LRMDA: variants seen among roughly 807,000 people sequenced by gnomAD.
LRMDA encodes leucine-rich melanocyte differentiation-associated protein.
In LRMDA, 18 loss-of-function variants were observed where a neutral mutation model predicts 29.8. The observed-to-expected ratio is 0.60, with a 90% CI of 0.42 to 0.90. The LOEUF (loss-of-function observed/expected upper bound fraction) is 0.90, where lower values mean the gene tolerates loss of function less well. LRMDA is among the 40% of genes least tolerant of loss of function. The pLI is 0.00. For synonymous variants in LRMDA, 125 were observed against 109.4 expected (o/e 1.14, Z -0.89); for missense variants, 273 against 273.9 (o/e 1.00, Z 0.02).
chr10:76,519,747 T>C (rs954857374), intron 6 of LRMDA, among the ~76,000 whole-genome samples: 2 of 152,198 alleles, frequency 1.3e-5, no homozygotes, highest in Admixed American at 1.3e-4. Flanking sequence ...ATATGATGCC[T>C]TGTGGGACTC....
chr10:76,208,363 T>C (rs1851574929), intron 5 of LRMDA, among the ~76,000 whole-genome samples: 1 of 152,194 alleles, frequency 6.6e-6, no homozygotes, highest in Non-Finnish European at 1.5e-5. Context: ...TATACTCTGC[T>C]CCATTTTAAA....
rs530290811 is a variant in LRMDA, at chr10:76,350,646, C to T, written c.601+26161C>T. Among the ~76,000 whole-genome samples the T allele has an allele frequency of 5.9e-5, 9 of 152,200 alleles. No individual in the cohort carries two copies. The South Asian group carries it at 1.0e-3, about 18-fold the overall frequency. Reference sequence around the variant, plus strand: ...GTATCTCTAGGAGAACAAGCATTGTCTTTGGCATAGGACAGAATGTGGTCA... The same window carrying T: ...GTATCTCTAGGAGAACAAGCATTGTTTTTGGCATAGGACAGAATGTGGTCA... On this transcript the variant is annotated intron_variant, in intron 6 of 6. Transcript: ENST00000611255.
chr10:76,173,069 A>T (rs1036784346), intron 5 of LRMDA, among the ~76,000 whole-genome samples: 2 of 150,588 alleles, frequency 1.3e-5, no homozygotes, highest in African/African-American at 4.9e-5. Flanking sequence ...AAAAAAAAAG[A>T]TAATGAGCAT....
At chr10:75,882,460 G>A (rs990282151) in intron 2 of LRMDA, among the ~76,000 whole-genome samples, 1 of 152,156 alleles carries the variant, frequency 6.6e-6, no homozygotes, top group Non-Finnish European at 1.5e-5. Flanking sequence ...AGCAGCTATA[G>A]AGCACCTAAA....
intron 2 of LRMDA, among the ~76,000 whole-genome samples, chr10:75,443,518 G>A (rs187095971): frequency 5.9e-5 from 9 of 152,170 alleles, no homozygotes; most frequent in African/African-American, 1.7e-4. Context: ...TTTATTGATT[G>A]CGTATGTTAA....
At chr10:76,167,167 T>G (rs770585706) in intron 5 of LRMDA, among the ~76,000 whole-genome samples, 4 of 152,230 alleles carry the variant, frequency 2.6e-5, no homozygotes, top group African/African-American at 9.6e-5. Context: ...TGTTTTTTTC[T>G]TGTACATTTG....
intron 2 of LRMDA, among the ~76,000 whole-genome samples, chr10:75,497,493 A>C (rs748955016): frequency 1.3e-5 from 2 of 152,014 alleles, no homozygotes; most frequent in African/African-American, 2.4e-5. Context: ...ATGAACCCTA[A>C]ATGTACCATT....
intron 2 of LRMDA, among the ~76,000 whole-genome samples, chr10:75,991,252 A>G (rs1395213856): frequency 6.6e-6 from 1 of 152,208 alleles, no homozygotes; most frequent in African/African-American, 2.4e-5. Context: ...GATAGGGAAT[A>G]TAGAATGGGT....
intron 6 of LRMDA, chr10:76,346,558 G>A (rs1016064942): frequency 7.2e-5 from 11 of 152,242 alleles, no homozygotes; most frequent in Middle Eastern, 3.4e-3. Context: ...ATAGAGGTAC[G>A]TGCATATATT....
intron 2 of LRMDA, among the ~76,000 whole-genome samples, chr10:75,582,092 T>A (rs1417069739): frequency 6.6e-5 from 10 of 152,196 alleles, no homozygotes; most frequent in Non-Finnish European, 4.4e-5. Context: ...GCATTGAGTA[T>A]CTGCAGCTTT....
chr10:75,574,649 CA>C lies in LRMDA; in HGVS notation c.131+136157del, dbSNP rs1252670917. On this transcript the variant is annotated intron_variant, in intron 2 of 6. Coordinates refer to ENST00000611255, the MANE Select transcript of LRMDA (RefSeq NM_001305581.2). The stretch of plus-strand genomic sequence containing the variant: ...CCCCTCCCCTCAATGTTGGTATTAC[CA>C]AGAGTCCTTAGCTCTCTGTCAGTTT... 5.3e-5 allele frequency among the ~76,000 whole-genome samples: 8 copies of C among 152,208 alleles called. No homozygotes were observed. The East Asian group carries it at 1.4e-3, about 26-fold the overall frequency.
At chr10:75,590,276 C>T (rs1021018344) in intron 2 of LRMDA, among the ~76,000 whole-genome samples, 1 of 152,118 alleles carries the variant, frequency 6.6e-6, no homozygotes, top group Non-Finnish European at 1.5e-5. Context: ...GCCTCAGCCT[C>T]CCAAAGTTCT....
chr10:76,407,148 A>G (rs958169736), intron 6 of LRMDA, among the ~76,000 whole-genome samples: 2 of 152,178 alleles, frequency 1.3e-5, no homozygotes, highest in Non-Finnish European at 2.9e-5. Context: ...GGTGCACAGA[A>G]CAGGGAGTGT....
chr10:76,434,661 C>T (rs1418335588), intron 6 of LRMDA, among the ~76,000 whole-genome samples: 3 of 152,206 alleles, frequency 2.0e-5, no homozygotes, highest in Non-Finnish European at 4.4e-5. Flanking sequence ...TGAGCATTTA[C>T]CATTGGCCAG....
intron 2 of LRMDA, among the ~76,000 whole-genome samples, chr10:75,858,507 G>T (rs1844865922): frequency 6.6e-6 from 1 of 152,172 alleles, no homozygotes; most frequent in Non-Finnish European, 1.5e-5. Context: ...CTTAATGTGT[G>T]CTGAGTAACA....
At chr10:76,338,363 CATAAATAA>C (rs35208147) in intron 6 of LRMDA, among the ~76,000 whole-genome samples, 19,480 of 146,276 alleles carry the variant, frequency 0.13, 1,494 homozygotes, top group East Asian at 0.33. Context: ...GACACAGTCT[CATAAATAA>C]ATAAATAAAT....
chr10:75,793,167 A>C (rs1843597398), intron 2 of LRMDA, among the ~76,000 whole-genome samples: 1 of 152,190 alleles, frequency 6.6e-6, no homozygotes, highest in African/African-American at 2.4e-5. Flanking sequence ...TTAGAGCCTG[A>C]CACAATTGAG....
rs573817671 is a variant in LRMDA at position 76,023,286 on chromosome 10, C to T, written c.132-12722C>T. On this transcript the variant is annotated intron_variant, in intron 2 of 6. Coordinates refer to ENST00000611255, the MANE Select transcript of LRMDA (RefSeq NM_001305581.2). The stretch of plus-strand genomic sequence containing the variant: ...TATCTTTTGCCCTCTGAGCGTGTGA[C>T]GCTTTGCCTCTCATTTCCTAGTTTG... 1.6e-3 allele frequency among the ~76,000 whole-genome samples: 241 copies of T among 152,290 alleles called. 2 individuals are homozygous for T. The South Asian group carries it at 0.018, about 11-fold the overall frequency.
intron 2 of LRMDA, among the ~76,000 whole-genome samples, chr10:75,677,187 C>G (rs568317205): frequency 6.6e-6 from 1 of 152,270 alleles, no homozygotes; most frequent in East Asian, 1.9e-4. Context: ...CAGAACATTT[C>G]TTTCCTCCCC....
Sources: allele counts gnomAD v4.1 joint callset (sites outside exome capture counted in the v4.1 genomes callset), GRCh38; gene constraint gnomAD v4.1.1; transcripts MANE v1.5; gene names NCBI Gene and HGNC (gene_info 2026-07-23, HGNC 2026-07-21).